Variants in SEMA3D observed in about 807,000 individuals in gnomAD.
SEMA3D encodes semaphorin-3D.
Under a neutral mutation model 100.1 loss-of-function variants are expected in SEMA3D, and 84 were observed. That is an observed-to-expected ratio of 0.84 (90% CI 0.70 to 1.01). The LOEUF is 1.01. Ranked by LOEUF, SEMA3D falls within the 50% of genes least tolerant of loss-of-function variation. The pLI is 0.00. For missense variants in SEMA3D, 875 were observed against 934.1 expected (o/e 0.94, Z 0.82); for synonymous variants, 312 against 320.7 (o/e 0.97, Z 0.29).
intron 12 of SEMA3D, among the ~76,000 whole-genome samples, chr7:85,024,579 A>G (rs1790341825): frequency 6.6e-6 from 1 of 152,022 alleles, no homozygotes; most frequent in Admixed American, 6.6e-5. Flanking sequence ...TAAGGCGGAA[A>G]AAAAGGAAGG....
chr7:85,027,982 G>T, intron 12 of SEMA3D: 1 of 573,298 alleles, frequency 1.7e-6, no homozygotes, highest in Non-Finnish European at 3.4e-6. Flanking sequence ...CAATTGATTA[G>T]TGATACTCCA....
chr7:85,111,310 G>A (rs766927841), intron 3 of SEMA3D, among the ~76,000 whole-genome samples: 6 of 151,948 alleles, frequency 3.9e-5, no homozygotes, highest in Non-Finnish European at 5.9e-5. Flanking sequence ...ATGCCTTCTT[G>A]GCATCTCACT....
At chr7:85,004,097 T>C (rs747802009) in intron 18 of SEMA3D, among the ~76,000 whole-genome samples, 7 of 151,892 alleles carry the variant, frequency 4.6e-5, no homozygotes, top group Non-Finnish European at 8.8e-5. Flanking sequence ...GGAATACCTA[T>C]GGATAACTAC....
intron 9 of SEMA3D, among the ~76,000 whole-genome samples, chr7:85,048,858 C>T (rs1176483600): frequency 1.3e-5 from 2 of 151,748 alleles, no homozygotes; most frequent in African/African-American, 4.8e-5. Context: ...TAACATAGAA[C>T]ATGTAGAAAT....
chr7:85,210,723 A>G, the SEMA3D span, among the ~76,000 whole-genome samples: 1 of 152,132 alleles, frequency 6.6e-6, no homozygotes, highest in Non-Finnish European at 1.5e-5. Context: ...ATTGTAGAGT[A>G]ACAGAAGGCA....
chr7:85,198,446 C>A, the SEMA3D span, among the ~76,000 whole-genome samples: 1 of 151,888 alleles, frequency 6.6e-6, no homozygotes, highest in East Asian at 1.9e-4. Flanking sequence ...TTCAGGAATA[C>A]TATTATATAA....
At chr7:85,138,861 T>C (rs1206687924) in intron 2 of SEMA3D, among the ~76,000 whole-genome samples, 1 of 151,444 alleles carries the variant, frequency 6.6e-6, no homozygotes, top group Non-Finnish European at 1.5e-5. Flanking sequence ...CCCCTGTCCA[T>C]ATGTTCTCAT....
At chr7:85,152,970 G>A (rs1209685468) in intron 2 of SEMA3D, among the ~76,000 whole-genome samples, 3 of 152,104 alleles carry the variant, frequency 2.0e-5, no homozygotes, top group Non-Finnish European at 4.4e-5. Flanking sequence ...CTAATTCTGA[G>A]AGAGGTAAAT....
chr7:85,107,314 A>G (rs1788957227), intron 3 of SEMA3D, among the ~76,000 whole-genome samples: 1 of 152,112 alleles, frequency 6.6e-6, no homozygotes, highest in Non-Finnish European at 1.5e-5. Flanking sequence ...TCACTTGCCC[A>G]AGGAGCATCA....
intron 3 of SEMA3D, among the ~76,000 whole-genome samples, chr7:85,109,044 A>G (rs1562821598): frequency 6.6e-6 from 1 of 151,958 alleles, no homozygotes; most frequent in Non-Finnish European, 1.5e-5. Context: ...CTCAACTACA[A>G]TTATATTCTT....
chr7:85,106,642 G>A (rs1360253633), intron 3 of SEMA3D, among the ~76,000 whole-genome samples: 4 of 152,082 alleles, frequency 2.6e-5, no homozygotes, highest in South Asian at 2.1e-4. Context: ...GCCATCTGTA[G>A]TAGTCTGTCC....
At chr7:85,131,486 A>G (rs761118597) in intron 2 of SEMA3D, among the ~76,000 whole-genome samples, 3 of 152,028 alleles carry the variant, frequency 2.0e-5, no homozygotes, top group Non-Finnish European at 4.4e-5. Flanking sequence ...ATAACCTCAT[A>G]TAAAACTTTA....
chr7:85,012,844 C>T lies in SEMA3D; in HGVS notation c.1706G>A (p.Arg569Lys). 1 of 1,609,924 alleles carries T rather than the reference C, an allele frequency of 6.2e-7. No individual in the cohort carries two copies. Among genetic ancestry groups the T allele is most frequent in the Non-Finnish European group, 8.5e-7 (1 of 1,177,122 alleles). The change falls in exon 17 of 19, where the codon AGA becomes AAA. Residue 569 changes from arginine to lysine, a missense_variant and splice_region_variant. Coordinates refer to ENST00000284136, the MANE Select transcript of SEMA3D (RefSeq NM_001384900.1). ...ATATTTTACATCTTGGCGTCTAGCT[C>T]TCCTGCGGAAAGGGGATTAAACTTA... is the stretch of plus-strand genomic sequence containing the variant. ...CSRYAPTSKR[R>K]ARRQDVKYGD...
chr7:85,057,235 G>C (rs1370292256), intron 8 of SEMA3D, among the ~76,000 whole-genome samples: 1 of 151,916 alleles, frequency 6.6e-6, no homozygotes, highest in Admixed American at 6.6e-5. Context: ...AGAGGTATTC[G>C]GCATTTTAAG....
At chr7:85,061,570 C>T (rs574787644) in intron 8 of SEMA3D, among the ~76,000 whole-genome samples, 1 of 152,290 alleles carries the variant, frequency 6.6e-6, no homozygotes, top group South Asian at 2.1e-4. Context: ...CCTCCCACTC[C>T]TGACTCCAGA....
intron 2 of SEMA3D, among the ~76,000 whole-genome samples, chr7:85,123,522 T>C (rs1383480036): frequency 6.6e-6 from 1 of 152,132 alleles, no homozygotes; most frequent in Non-Finnish European, 1.5e-5. Flanking sequence ...ACTTTGAATA[T>C]CAAGATTTCA....
the SEMA3D span, among the ~76,000 whole-genome samples, chr7:85,216,751 G>A: frequency 1.3e-5 from 2 of 151,696 alleles, no homozygotes; most frequent in South Asian, 4.1e-4. Flanking sequence ...TATTTTTATG[G>A]GTTTTACAAT....
chr7:85,168,865 G>GAAAGA (rs1791000749), intron 1 of SEMA3D, among the ~76,000 whole-genome samples: 1 of 130,834 alleles, frequency 7.6e-6, no homozygotes, highest in Admixed American at 7.5e-5. Context: ...AAGAAAGAAA[G>GAAAGA]AAAGAAAGAA....
intron 2 of SEMA3D, chr7:85,151,834 T>TA (rs1562836773): frequency 1.6e-4 from 104 of 639,454 alleles, no homozygotes; most frequent in Non-Finnish European, 1.9e-4. Flanking sequence ...AGACTGTCTG[T>TA]AAAAAAAAGT....
Sources: allele counts gnomAD v4.1 joint callset (sites outside exome capture counted in the v4.1 genomes callset), GRCh38; gene constraint gnomAD v4.1.1; transcripts MANE v1.5; gene names NCBI Gene and HGNC (gene_info 2026-07-23, HGNC 2026-07-21).